The following PSIP1 variants were observed in gnomAD, a reference collection of about 807,000 sequenced individuals.
PSIP1 encodes the protein PC4 and SFRS1-interacting protein.
Under a neutral mutation model 74.7 loss-of-function variants are expected in PSIP1, and 19 were observed. That is an observed-to-expected ratio of 0.25 (90% CI 0.18 to 0.37). PSIP1 has a LOEUF of 0.37. Ranked by LOEUF, PSIP1 falls within the 10% of genes least tolerant of loss-of-function variation. The probability of loss-of-function intolerance (pLI) is 1.00; values close to 1 mark genes in which losing one functional copy is unlikely to be tolerated. For synonymous variants in PSIP1, 222 were observed against 195.3 expected (o/e 1.14, Z -1.14); for missense variants, 601 against 614.3 (o/e 0.98, Z 0.23).
chr9:15,469,966 T>C lies in PSIP1; in HGVS notation c.1005A>G (p.Pro335=). The C allele has an allele frequency of 1.9e-6, 3 of 1,608,306 alleles. No individual in the cohort carries two copies. Among genetic ancestry groups the C allele is most frequent in the East Asian group, 4.5e-5 (2 of 44,778 alleles). The stretch of plus-strand genomic sequence containing the variant: ...GCTTCTTCTCCACTTTCTTAACTTC[T>C]GGCTTCTTTCCTTCATCTTTATTCT... ...EQQNKDEGKK[P]EVKKVEKKRE... Residue 335 remains proline (P), a synonymous_variant, in exon 11 of 16, where the codon CCA becomes CCG. Coordinates refer to ENST00000380733, the MANE Select transcript of PSIP1 (RefSeq NM_033222.5).
At position 15,464,858 on chromosome 9, in the gene PSIP1, C is replaced by G. The variant is rs948388514; in HGVS notation, c.*662G>C. ...ATGCCCAGCCACAAAACTAAATTAC[C>G]TTCAAAAATTAATGTTTTATAGTTT... On this transcript the variant is annotated 3_prime_UTR_variant, in exon 16 of 16. Transcript: ENST00000380733. The G allele has an allele frequency of 1.4e-5, 3 of 209,672 alleles. No individual in the cohort carries two copies. The highest frequency in any genetic ancestry group is 2.9e-5 in the Non-Finnish European group (3 of 103,260). The allele number at this position is 209,672 out of a possible 1,614,324, so 13.0% of individuals were successfully genotyped here.
At position 15,474,109 on chromosome 9, in the gene PSIP1, C is replaced by A; in HGVS notation, c.758G>T (p.Gly253Val). ...CCTTTTTGATTCAACTTCTTTCTTC[C>A]CCTCTTTTTTATCCGGCTCTTTTCT... ...KPRKEPDKKE[G>V]KKEVESKRKN... The change falls in exon 9 of 16, where the codon GGG (glycine) becomes GTG (valine). Residue 253 changes from glycine (G) to valine (V), a missense_variant. By Grantham distance (109) the Gly-to-Val change is moderately radical. Coordinates refer to ENST00000380733, the MANE Select transcript of PSIP1 (RefSeq NM_033222.5). 6.2e-7 allele frequency: 1 copy of A among 1,613,372 alleles called. No individual in the cohort carries two copies. Among genetic ancestry groups the A allele is most frequent in the African/African-American group, 1.3e-5 (1 of 74,920 alleles).
At chr9:15,478,980 T>A (rs1211600308) in intron 7 of PSIP1, among the ~76,000 whole-genome samples, 1 of 152,040 alleles carries the variant, frequency 6.6e-6, no homozygotes, top group Non-Finnish European at 1.5e-5. Flanking sequence ...CACTGCAATA[T>A]TAAACTCCAA....
chr9:15,500,564 T>C (rs1216527178), intron 3 of PSIP1, among the ~76,000 whole-genome samples: 1 of 152,182 alleles, frequency 6.6e-6, no homozygotes, highest in Non-Finnish European at 1.5e-5. Flanking sequence ...CGTGCAGCTA[T>C]GAAACTTGTA....
chr9:15,469,198 C>T, intron 12 of PSIP1, 68 bp downstream of exon 12: 1 of 1,322,044 alleles, frequency 7.6e-7, no homozygotes. Context: ...CTCATAAGAT[C>T]ATGTGAGAAA....
chr9:15,506,857 G>GGT (rs1283471003), intron 2 of PSIP1, among the ~76,000 whole-genome samples: 2 of 152,050 alleles, frequency 1.3e-5, no homozygotes, highest in Non-Finnish European at 2.9e-5. Flanking sequence ...TGACATTGAG[G>GGT]GTATCAGTCA....
intron 14 of PSIP1, among the ~76,000 whole-genome samples, chr9:15,467,810 A>G (rs2035696160): frequency 6.6e-6 from 1 of 152,206 alleles, no homozygotes; most frequent in South Asian, 2.1e-4. Context: ...CATATATGCT[A>G]CACATCTAAG....
At position 15,510,216 on chromosome 9, in the gene PSIP1, AG is replaced by A; in HGVS notation, c.-29del. 1 of 1,594,306 alleles carries A rather than the reference AG, an allele frequency of 6.3e-7. No individual in the cohort carries two copies. The stretch of plus-strand genomic sequence containing the variant: ...TTCGGGGGCGAGACCGGGGGTCCGA[AG>A]CCCGGGAGGCGGCGAGGAGATGCGG... On this transcript the variant is annotated 5_prime_UTR_variant, in exon 2 of 16. Coordinates refer to ENST00000380733, the MANE Select transcript of PSIP1 (RefSeq NM_033222.5).
At chr9:15,472,997 A>T (rs141591228) in intron 9 of PSIP1, among the ~76,000 whole-genome samples, 1 of 152,344 alleles carries the variant, frequency 6.6e-6, no homozygotes, top group African/African-American at 2.4e-5. Context: ...AAAATATAGT[A>T]TGTCAGTCTG....
intron 3 of PSIP1, among the ~76,000 whole-genome samples, chr9:15,502,146 C>G (rs528836810): frequency 6.6e-6 from 1 of 152,228 alleles, no homozygotes; most frequent in African/African-American, 2.4e-5. Context: ...ATCCCAAAAC[C>G]ATCCCCCCAA....
chr9:15,493,022 A>C (rs115308175), intron 3 of PSIP1, among the ~76,000 whole-genome samples: 2,077 of 152,274 alleles, frequency 0.014, 39 homozygotes, highest in African/African-American at 0.048. Flanking sequence ...GGTCACTGGT[A>C]TGCCTTGGAG....
In PSIP1 at chr9:15,473,917, A is replaced by C. The variant is rs1193432420; in HGVS notation, c.858+92T>G. 2.7e-3 allele frequency: 2,294 copies of C among 848,398 alleles called. 50 individuals are homozygous for C. In the African/African-American group the frequency reaches 0.049, roughly 18 times the overall value. 52.6% of individuals were successfully genotyped at this position (848,398 alleles called of 1,614,324 possible). ...CTCCATCTCAAACAAAAAAAAAACAAAAAAAAAAACAAAAAAAAAACAAAG... is the reference window on the plus strand; with the variant it reads ...CTCCATCTCAAACAAAAAAAAAACACAAAAAAAAACAAAAAAAAAACAAAG... On this transcript the variant is annotated intron_variant, in intron 9 of 15. Transcript: ENST00000380733.
chr9:15,501,397 A>G lies in PSIP1; in HGVS notation c.149+5164T>C, dbSNP rs891770014. On this transcript the variant is annotated intron_variant, in intron 3 of 15. Transcript: ENST00000380733. ...GTGGGTGAAAAAAAGAGAAAAGGGG[A>G]AAAAAAAAAATTCAGTCACTGTTGC... 8.9e-5 allele frequency among the ~76,000 whole-genome samples: 10 copies of G among 112,484 alleles called. No individual in the cohort carries two copies. In the South Asian group the frequency reaches 1.1e-3, roughly 12 times the overall value. The allele number at this position is 112,484 out of a possible 152,430, so 73.8% of individuals were successfully genotyped here.
rs993288352 is a variant in PSIP1, at chr9:15,506,935, G to A, written c.73-298C>T. On this transcript the variant is annotated intron_variant, in intron 2 of 15. Coordinates refer to ENST00000380733, the MANE Select transcript of PSIP1 (RefSeq NM_033222.5). ...ATATTATTATGTGCTATTCCAGACC[G>A]CACCAGCAGCAAAATATATGGCATA... 1.1e-4 allele frequency among the ~76,000 whole-genome samples: 17 copies of A among 152,226 alleles called. 1 individual carries two copies. The East Asian group carries it at 1.2e-3, about 10-fold the overall frequency.
intron 8 of PSIP1, among the ~76,000 whole-genome samples, chr9:15,475,732 A>G (rs2036047575): frequency 6.6e-6 from 1 of 152,212 alleles, no homozygotes; most frequent in Non-Finnish European, 1.5e-5. Context: ...TCTTTGTGCC[A>G]AAACAATTTA....
chr9:15,469,742 TAAAC>T (rs962498986), intron 11 of PSIP1, among the ~76,000 whole-genome samples, 192 bp downstream of exon 11: 14 of 152,056 alleles, frequency 9.2e-5, no homozygotes, highest in East Asian at 7.7e-4. Context: ...GCATTAAACA[TAAAC>T]AACTCAAGCA....
At position 15,498,225 on chromosome 9, in the gene PSIP1, G is replaced by C. The variant is rs2037175100; in HGVS notation, c.150-8101C>G. 2.0e-5 allele frequency among the ~76,000 whole-genome samples: 3 copies of C among 152,124 alleles called. No individual in the cohort carries two copies. In the South Asian group the frequency reaches 6.2e-4, roughly 32 times the overall value. On this transcript the variant is annotated intron_variant, in intron 3 of 15. Coordinates refer to ENST00000380733, the MANE Select transcript of PSIP1 (RefSeq NM_033222.5). ...GAGGTCAGGAGTTCGAGACCAGCCT[G>C]GCCAAGACGGCAAAACCCCATCTCT...
intron 5 of PSIP1, 33 bp downstream of exon 5, chr9:15,486,794 T>C (rs750802631): frequency 2.1e-6 from 3 of 1,453,430 alleles, no homozygotes; most frequent in Middle Eastern, 2.1e-4. Flanking sequence ...TGAAACAAAA[T>C]GGGTTTAAAA....
chr9:15,507,788 T>C (rs2037665590), intron 2 of PSIP1, among the ~76,000 whole-genome samples: 1 of 152,218 alleles, frequency 6.6e-6, no homozygotes, highest in South Asian at 2.1e-4. Context: ...GTAAGCATTA[T>C]GGTGTTGCAG....
Sources: allele counts gnomAD v4.1 joint callset (sites outside exome capture counted in the v4.1 genomes callset), GRCh38; gene constraint gnomAD v4.1.1; transcripts MANE v1.5; gene names NCBI Gene and HGNC (gene_info 2026-07-23, HGNC 2026-07-21).